POGZ: variants seen among roughly 807,000 people sequenced by gnomAD.
POGZ encodes pogo transposable element derived with ZNF domain.
A neutral mutation model predicts 134.6 loss-of-function variants in POGZ; 17 were observed. That is an observed-to-expected ratio of 0.13 (90% CI 0.09 to 0.19). POGZ has a LOEUF of 0.19. Ranked by LOEUF, POGZ falls within the 10% of genes least tolerant of loss-of-function variation. The pLI is 1.00. For synonymous variants in POGZ, 693 were observed against 657.1 expected, an observed-to-expected ratio of 1.05 and a Z score of -0.84; for missense variants, 1,306 against 1,769.7, an observed-to-expected ratio of 0.74 and a Z score of 4.70.
At position 151,404,829 on chromosome 1, in the gene POGZ, T is replaced by A. The variant is rs182719075; in HGVS notation, c.4206A>T (p.Glu1402Asp). ...AAATCTCCATCAGATCTAGGTCAGC[T>A]TCTTCAAAGCCATAGAAAGACTCGG... ...SETESFYGFEEADLDLMEI is the reference protein window; with the variant it reads ...SETESFYGFEDADLDLMEI The change falls in exon 19 of 19, where the codon GAA (glutamate) becomes GAT (aspartate). Residue 1402 changes from glutamate (E) to aspartate (D), a missense_variant. Glu to Asp is a conservative substitution (Grantham distance 45). This residue lies in a region of POGZ where 107 missense variants were observed against 97.9 expected (regional missense o/e 1.09). Transcript: ENST00000271715. The A allele has an allele frequency of 1.7e-5, 28 of 1,611,390 alleles. No individual in the cohort carries two copies. In the Admixed American group the frequency reaches 4.7e-4, roughly 27 times the overall value.
At position 151,432,571 on chromosome 1, in the gene POGZ, G is replaced by A. The variant is rs370224657; in HGVS notation, c.284-1730C>T. 7.2e-5 allele frequency among the ~76,000 whole-genome samples: 11 copies of A among 152,182 alleles called. No individual in the cohort carries two copies. In the South Asian group the frequency reaches 2.3e-3, roughly 32 times the overall value. On this transcript the variant is annotated intron_variant, in intron 3 of 18. Transcript: ENST00000271715. ...TTAAATTTTTAAATGTTTTATTATGGAGAAGTTAAAACATACATAAAAAGG... is the reference window on the plus strand; with the variant it reads ...TTAAATTTTTAAATGTTTTATTATGAAGAAGTTAAAACATACATAAAAAGG...
At chr1:151,420,387 G>A (rs1176569159) in intron 10 of POGZ, among the ~76,000 whole-genome samples, 2 of 152,058 alleles carry the variant, frequency 1.3e-5, no homozygotes, top group East Asian at 3.9e-4. Flanking sequence ...CGTGATCATG[G>A]TTCACTCTAG....
chr1:151,429,758 C>A, intron 4 of POGZ, 47 bp from the exon 5 acceptor site: 1 of 1,103,382 alleles, frequency 9.1e-7, no homozygotes, highest in Non-Finnish European at 1.4e-6. Flanking sequence ...CCAATTAACA[C>A]TGACAAAGAT....
intron 10 of POGZ, among the ~76,000 whole-genome samples, chr1:151,417,018 T>C (rs1034402016): frequency 8.5e-5 from 13 of 152,048 alleles, no homozygotes. Flanking sequence ...AATTTTTAAA[T>C]AAAGTAGGTA....
At chr1:151,407,312 G>GT in intron 15 of POGZ, 21 bp from the exon 16 acceptor site, 1 of 1,582,384 alleles carries the variant, frequency 6.3e-7, no homozygotes, top group Non-Finnish European at 8.6e-7. Context: ...CAAAGAAGTG[G>GT]TATGAGTTAC....
At chr1:151,419,174 C>A (rs1571403240) in intron 10 of POGZ, among the ~76,000 whole-genome samples, 1 of 151,696 alleles carries the variant, frequency 6.6e-6, no homozygotes, top group South Asian at 2.1e-4. Flanking sequence ...AACGACACGG[C>A]GAAACCCCAT....
chr1:151,433,042 C>T (rs368354030), intron 3 of POGZ, among the ~76,000 whole-genome samples: 2 of 152,042 alleles, frequency 1.3e-5, no homozygotes, highest in Admixed American at 1.3e-4. Flanking sequence ...ATTTTAACTG[C>T]TAGGACAAAA....
chr1:151,433,197 G>A (rs1266277808), intron 3 of POGZ, among the ~76,000 whole-genome samples: 2 of 152,202 alleles, frequency 1.3e-5, no homozygotes, highest in Admixed American at 6.5e-5. Context: ...GTCTCTTAAA[G>A]ACAGACCAGG....
At chr1:151,434,908 CTT>C (rs1429577163) in intron 3 of POGZ, among the ~76,000 whole-genome samples, 1 of 150,868 alleles carries the variant, frequency 6.6e-6, no homozygotes, top group Non-Finnish European at 1.5e-5. Flanking sequence ...TTCCTTCATT[CTT>C]TCTTTTTTTT....
At chr1:151,415,077 G>A (rs1023877542) in intron 10 of POGZ, among the ~76,000 whole-genome samples, 3 of 152,126 alleles carry the variant, frequency 2.0e-5, no homozygotes, top group Non-Finnish European at 4.4e-5. Context: ...AATTATGGAA[G>A]GATAGATCTC....
chr1:151,409,428 G>A (rs1654272789), intron 12 of POGZ, among the ~76,000 whole-genome samples: 3 of 151,940 alleles, frequency 2.0e-5, no homozygotes, highest in African/African-American at 7.3e-5. Flanking sequence ...AGGCTGGAGT[G>A]CAGTGGCATG....
At chr1:151,407,816 C>T (rs923586427) in intron 15 of POGZ, among the ~76,000 whole-genome samples, 18 of 151,914 alleles carry the variant, frequency 1.2e-4, no homozygotes, top group African/African-American at 4.4e-4. Flanking sequence ...TTGAGACCAG[C>T]CTGGCCAACA....
At chr1:151,442,366 A>G in intron 1 of POGZ, 161 bp from the exon 2 acceptor site, 1 of 489,840 alleles carries the variant, frequency 2.0e-6, no homozygotes. Flanking sequence ...TCAGAATTAC[A>G]ACTTCTATTA....
rs112072925 is a variant in POGZ at position 151,408,249 on chromosome 1, G to GAA, written c.2235-11_2235-10dup. ...GCCGGCCCATGACACTCCTGTGGGG[G>GAA]AAAAAAAAAAAGAATTCTCATTACT... On this transcript the variant is annotated splice_polypyrimidine_tract_variant and intron_variant, in intron 14 of 18. Coordinates refer to ENST00000271715, the MANE Select transcript of POGZ (RefSeq NM_015100.4). 5.7e-6 allele frequency: 7 copies of GAA among 1,228,324 alleles called. No individual in the cohort carries two copies. The highest frequency in any genetic ancestry group is 2.3e-5 in the Admixed American group (1 of 43,634). 76.1% of individuals were successfully genotyped at this position (1,228,324 alleles called of 1,614,324 possible).
chr1:151,457,510 T>G (rs1662913146), intron 1 of POGZ, among the ~76,000 whole-genome samples: 1 of 152,128 alleles, frequency 6.6e-6, no homozygotes, highest in African/African-American at 2.4e-5. Flanking sequence ...GTGCTAACAG[T>G]TCGAATTCAG....
intron 2 of POGZ, 58 bp downstream of exon 2, chr1:151,442,023 A>G (rs1660614943): frequency 1.5e-6 from 2 of 1,352,242 alleles, no homozygotes; most frequent in Non-Finnish European, 2.1e-6. Flanking sequence ...TTTGTTAACC[A>G]AAATACCATT....
At chr1:151,423,255 A>G in intron 10 of POGZ, 142 bp downstream of exon 10, 2 of 685,070 alleles carry the variant, frequency 2.9e-6, no homozygotes, top group Non-Finnish European at 4.9e-6. Flanking sequence ...TGAATGAAGT[A>G]AAGAACTGGC....
At chr1:151,459,009 G>GCCGGCCCCCCGCCCCCACCCCCGCGCGTA (rs1663175681) in intron 1 of POGZ, 143 bp downstream of exon 1, 1 of 138,586 alleles carries the variant, frequency 7.2e-6, no homozygotes, top group South Asian at 2.3e-4. Context: ...GGCGCGCACC[G>GCCGGCCCCCCGCCCCCACCCCCGCGCGTA]CCGGCCCCCC....
chr1:151,429,628 C>A lies in POGZ; in HGVS notation c.543G>T (p.Thr181=). ...CTGGAACTAGTGTAATTGGTCTAACCGTTTGGCCTTGCTGTACGTTCAGCA... is the reference window on the plus strand; with the variant it reads ...CTGGAACTAGTGTAATTGGTCTAACAGTTTGGCCTTGCTGTACGTTCAGCA... ...GIVLNVQQGQ[T]VRPITLVPAP... Residue 181 remains threonine (T), a synonymous_variant, in exon 5 of 19, where the codon ACG becomes ACT. Coordinates refer to ENST00000271715, the MANE Select transcript of POGZ (RefSeq NM_015100.4). The A allele has an allele frequency of 1.2e-6, 2 of 1,605,666 alleles. No individual in the cohort carries two copies. The highest frequency in any genetic ancestry group is 1.7e-6 in the Non-Finnish European group (2 of 1,172,576).
Sources: gnomAD v4.1 joint callset for allele counts (sites outside exome capture counted in the v4.1 genomes callset) on GRCh38, gnomAD v4.1.1 for gene constraint, gnomAD v4.1.1 regional missense constraint, MANE v1.5 for transcripts, NCBI Gene and HGNC (gene_info 2026-07-23, HGNC 2026-07-21) for gene names.